Variants in PGS1 observed in about 807,000 individuals in gnomAD.
PGS1 encodes the protein CDP-diacylglycerol--glycerol-3-phosphate 3-phosphatidyltransferase, mitochondrial.
Under a neutral mutation model 58.3 loss-of-function variants are expected in PGS1, and 44 were observed. That is an observed-to-expected ratio of 0.75 (90% confidence interval 0.59 to 0.97). The LOEUF (loss-of-function observed/expected upper bound fraction) is 0.97, where lower values mean the gene tolerates loss of function less well. Among genes scored for constraint, PGS1 ranks in the 50% least tolerant of loss-of-function variants. The pLI is 0.00. For synonymous variants in PGS1, 330 were observed against 311.0 expected, an observed-to-expected ratio of 1.06 and a Z score of -0.64; for missense variants, 684 against 731.1, an observed-to-expected ratio of 0.94 and a Z score of 0.74.
chr17:78,392,874 G>C (rs554011483), intron 2 of PGS1, among the ~76,000 whole-genome samples: 1 of 152,134 alleles, frequency 6.6e-6, no homozygotes, highest in South Asian at 2.1e-4. Context: ...AGGTGGAGAA[G>C]CTCTGAGAAG....
chr17:78,418,102 G>A (rs2085362059), intron 8 of PGS1, among the ~76,000 whole-genome samples: 1 of 151,684 alleles, frequency 6.6e-6, no homozygotes, highest in African/African-American at 2.4e-5. Flanking sequence ...GCTAATGTTT[G>A]TATTTTTGGT....
rs539627007 is a variant in PGS1 at position 78,392,421 on chromosome 17, G to A, written c.144-55G>A. The A allele has an allele frequency of 1.8e-4, 247 of 1,346,120 alleles. No homozygotes were observed. In the African/African-American group the frequency reaches 3.4e-3, roughly 18 times the overall value. 83.4% of individuals were successfully genotyped at this position (1,346,120 alleles called of 1,614,324 possible). On this transcript the variant is annotated intron_variant, in intron 1 of 9. Coordinates refer to ENST00000262764, the MANE Select transcript of PGS1 (RefSeq NM_024419.5). The stretch of plus-strand genomic sequence containing the variant: ...TCCCCAGTAACTGAGGGGGGCTTCT[G>A]CAGAAGTATTTGAGGTATTTGAGGT...
chr17:78,397,788 G>GT (rs913261201), intron 3 of PGS1, among the ~76,000 whole-genome samples: 1 of 152,188 alleles, frequency 6.6e-6, no homozygotes, highest in Non-Finnish European at 1.5e-5. Context: ...AAGCCTGTGT[G>GT]TTCTCATGGG....
intron 7 of PGS1, among the ~76,000 whole-genome samples, chr17:78,404,611 G>A (rs1310037355): frequency 1.3e-5 from 2 of 152,060 alleles, no homozygotes; most frequent in African/African-American, 4.8e-5. Context: ...ACATTATTTG[G>A]TGGCTGTGGT....
intron 9 of PGS1, chr17:78,423,812 A>C: frequency 6.7e-7 from 1 of 1,485,982 alleles, no homozygotes; most frequent in South Asian, 1.2e-5. Flanking sequence ...AAAAACCACC[A>C]CCAGTTCCTG....
At position 78,420,067 on chromosome 17, in the gene PGS1, G is replaced by C. The variant is rs912014440; in HGVS notation, c.*10+392G>C. 3.8e-6 allele frequency: 4 copies of C among 1,062,098 alleles called. No individual in the cohort carries two copies. In the South Asian group the frequency reaches 1.2e-4, roughly 31 times the overall value. The allele number at this position is 1,062,098 out of a possible 1,614,324, so 65.8% of individuals were successfully genotyped here. A position where few individuals can be genotyped will look rare whatever the true frequency, so the allele number is the denominator to read the frequency against. On this transcript the variant is annotated intron_variant, in intron 9 of 9. Coordinates refer to ENST00000262764, the MANE Select transcript of PGS1 (RefSeq NM_024419.5). ...GCACACTGGTGCAGGAGATGTAGAC[G>C]TGGGAGGAGGGGAGCACGTTTGCTC...
chr17:78,417,993 G>A (rs911065358), intron 8 of PGS1, among the ~76,000 whole-genome samples: 2 of 146,166 alleles, frequency 1.4e-5, no homozygotes, highest in African/African-American at 5.1e-5. Context: ...GCAGTGGCAC[G>A]ATCTCGGCTC....
At chr17:78,384,382 A>G (rs1182820284) in intron 1 of PGS1, among the ~76,000 whole-genome samples, 2 of 152,192 alleles carry the variant, frequency 1.3e-5, no homozygotes, top group African/African-American at 4.8e-5. Context: ...AGCCTTTCTC[A>G]GGAAGTGTTA....
intron 1 of PGS1, among the ~76,000 whole-genome samples, chr17:78,387,489 G>A (rs2082487614): frequency 1.3e-5 from 2 of 151,746 alleles, no homozygotes; most frequent in South Asian, 2.1e-4. Context: ...AGTAGAGATG[G>A]GGTTTCTCCA....
In PGS1 at chr17:78,411,794, C is replaced by T. The variant is rs574485079; in HGVS notation, c.1403-3085C>T. 2.0e-5 allele frequency among the ~76,000 whole-genome samples: 3 copies of T among 152,126 alleles called. No homozygotes were observed. In the South Asian group the frequency reaches 6.2e-4, roughly 32 times the overall value. ...GAGTCCCAGGCCTGATAGTCTTAGC[C>T]CTGTGTATACACAGCCTGACATCCT... On this transcript the variant is annotated intron_variant, in intron 7 of 9. Transcript: ENST00000262764.
intron 7 of PGS1, among the ~76,000 whole-genome samples, chr17:78,411,178 G>A (rs560578298): frequency 2.0e-5 from 3 of 152,290 alleles, no homozygotes; most frequent in African/African-American, 7.2e-5. Flanking sequence ...GGAGAGAAAT[G>A]AGGAGCCTCC....
chr17:78,415,341 G>T (rs921760837), intron 8 of PGS1, among the ~76,000 whole-genome samples: 1 of 152,152 alleles, frequency 6.6e-6, no homozygotes, highest in Non-Finnish European at 1.5e-5. Flanking sequence ...TTAAAGGTTC[G>T]GCATTGGGGC....
At chr17:78,402,821 G>A (rs568494661) in intron 6 of PGS1, among the ~76,000 whole-genome samples, 5 of 152,256 alleles carry the variant, frequency 3.3e-5, no homozygotes, top group Admixed American at 3.3e-4. Context: ...TCTTTCCCCT[G>A]TCTTCCTGAG....
At chr17:78,402,423 TATATAC>T (rs1348760657) in intron 6 of PGS1, among the ~76,000 whole-genome samples, 20 of 3,424 alleles carry the variant, frequency 5.8e-3, no homozygotes, top group African/African-American at 0.026. Context: ...TATATATATA[TATATAC>T]ACACACACAC....
chr17:78,387,516 C>G (rs1337412971), intron 1 of PGS1, among the ~76,000 whole-genome samples: 1 of 150,230 alleles, frequency 6.7e-6, no homozygotes, highest in Non-Finnish European at 1.5e-5. Flanking sequence ...TCAGGCTGGT[C>G]TTGAACTCCT....
chr17:78,395,493 C>T (rs1021389910), intron 2 of PGS1, among the ~76,000 whole-genome samples: 2 of 152,154 alleles, frequency 1.3e-5, no homozygotes, highest in African/African-American at 2.4e-5. Flanking sequence ...AGCTGCCTCC[C>T]TCTCACCTGG....
intron 1 of PGS1, among the ~76,000 whole-genome samples, chr17:78,386,789 A>G (rs1369461427): frequency 6.6e-6 from 1 of 152,128 alleles, no homozygotes; most frequent in Non-Finnish European, 1.5e-5. Flanking sequence ...TTTTCTGAGC[A>G]AATTCCCAGG....
At chr17:78,401,168 G>A (rs947169072) in intron 6 of PGS1, among the ~76,000 whole-genome samples, 3 of 152,122 alleles carry the variant, frequency 2.0e-5, no homozygotes, top group African/African-American at 7.2e-5. Context: ...ATGCAGCAGC[G>A]TGTCCTAGTG....
chr17:78,386,235 G>A (rs1437323827), intron 1 of PGS1, among the ~76,000 whole-genome samples: 2 of 152,200 alleles, frequency 1.3e-5, no homozygotes, highest in Non-Finnish European at 2.9e-5. Context: ...GCTGAGGATT[G>A]TTTTGCATTG....
Sources: allele counts gnomAD v4.1 joint callset (sites outside exome capture counted in the v4.1 genomes callset), GRCh38; gene constraint gnomAD v4.1.1; transcripts MANE v1.5; gene names NCBI Gene and HGNC (gene_info 2026-07-23, HGNC 2026-07-21).